The following RUNX1T1 variants were observed in gnomAD, a reference collection of about 807,000 sequenced individuals.
The protein encoded by RUNX1T1 is RUNX1 partner transcriptional co-repressor 1, also known as protein CBFA2T1.
Under a neutral mutation model 62.8 loss-of-function variants are expected in RUNX1T1, and 4 were observed. That is an observed-to-expected ratio of 0.06 (90% CI 0.03 to 0.15). The LOEUF is 0.15. RUNX1T1 is among the 10% of genes least tolerant of loss of function. The pLI is 1.00. For synonymous variants in RUNX1T1, 291 were observed against 286.0 expected, an observed-to-expected ratio of 1.02 and a Z score of -0.18; for missense variants, 508 against 754.3, an observed-to-expected ratio of 0.67 and a Z score of 3.82.
At chr8:91,998,426 A>T (rs1322259221) in intron 5 of RUNX1T1, among the ~76,000 whole-genome samples, 1 of 152,110 alleles carries the variant, frequency 6.6e-6, no homozygotes, top group African/African-American at 2.4e-5. Flanking sequence ...AAGCACCTTT[A>T]ATCTCTCCAT....
At chr8:92,042,463 G>A (rs569203595) in intron 1 of RUNX1T1, among the ~76,000 whole-genome samples, 19 of 152,222 alleles carry the variant, frequency 1.2e-4, no homozygotes, top group African/African-American at 3.4e-4. Flanking sequence ...GACTACAGGC[G>A]TATGCCACCA....
At chr8:92,072,482 T>A (rs2130742752) in intron 2 of RUNX1T1, among the ~76,000 whole-genome samples, 1 of 152,038 alleles carries the variant, frequency 6.6e-6, no homozygotes, top group East Asian at 1.9e-4. Context: ...ATATAAATGA[T>A]ATACTCTTCT....
chr8:92,061,446 T>C (rs751227645), intron 1 of RUNX1T1, among the ~76,000 whole-genome samples: 2 of 152,236 alleles, frequency 1.3e-5, no homozygotes, highest in Non-Finnish European at 2.9e-5. Flanking sequence ...ACCTCAGTCA[T>C]TGTCTTTTTG....
chr8:92,063,198 T>A (rs1832351794), upstream of RUNX1T1, among the ~76,000 whole-genome samples: 1 of 152,172 alleles, frequency 6.6e-6, no homozygotes, highest in Non-Finnish European at 1.5e-5. Flanking sequence ...ATTGTGCCAG[T>A]TTATCATCCT....
chr8:91,963,300 C>G (rs1169067073), intron 10 of RUNX1T1, among the ~76,000 whole-genome samples: 2 of 152,028 alleles, frequency 1.3e-5, no homozygotes, highest in Non-Finnish European at 2.9e-5. Context: ...AAAAAACAAC[C>G]TTCAGCTGTA....
upstream of RUNX1T1, among the ~76,000 whole-genome samples, chr8:92,102,448 GA>G (rs978904155): frequency 1.3e-5 from 2 of 151,018 alleles, no homozygotes; most frequent in African/African-American, 2.4e-5. The surrounding 1 kb of genome is among the most constrained non-coding windows in gnomAD (Gnocchi z 4.5). Flanking sequence ...GAAAGGAAAA[GA>G]AAAAAACCCA....
intron 5 of RUNX1T1, among the ~76,000 whole-genome samples, chr8:92,001,062 A>G (rs964816348): frequency 6.6e-6 from 1 of 152,110 alleles, no homozygotes; most frequent in African/African-American, 2.4e-5. Flanking sequence ...GTGGTGGTGC[A>G]TACCTGTAGT....
chr8:92,034,749 T>C (rs376992049), intron 1 of RUNX1T1, among the ~76,000 whole-genome samples: 29 of 146,308 alleles, frequency 2.0e-4, no homozygotes, highest in South Asian at 4.3e-4. Flanking sequence ...TATATACACA[T>C]ATATATACAC....
At chr8:92,005,418 C>T (rs1277023503) in intron 4 of RUNX1T1, 121 bp from the exon 6 acceptor site, 1 of 822,654 alleles carries the variant, frequency 1.2e-6, no homozygotes, top group Non-Finnish European at 1.9e-6. Context: ...AGGTCAAATG[C>T]ATGCCATGGG....
At chr8:91,968,778 T>C (rs1812174684) in intron 10 of RUNX1T1, among the ~76,000 whole-genome samples, 1 of 152,206 alleles carries the variant, frequency 6.6e-6, no homozygotes, top group African/African-American at 2.4e-5. Flanking sequence ...GGCTCTGCCA[T>C]TTCCTAGCTG....
chr8:91,992,481 C>T (rs551002711), intron 5 of RUNX1T1, among the ~76,000 whole-genome samples: 88 of 152,308 alleles, frequency 5.8e-4, no homozygotes, highest in Non-Finnish European at 1.0e-3. Flanking sequence ...TCAACAGGTA[C>T]GCTTGGCCAG....
At chr8:91,955,653 T>C (rs1586653036), downstream of RUNX1T1, 1 of 225,684 alleles carries the variant, frequency 4.4e-6, no homozygotes, top group African/African-American at 2.2e-5. Context: ...TTCACCTTCA[T>C]AACCTTTCTC....
chr8:92,052,580 C>A (rs569063152), intron 1 of RUNX1T1, among the ~76,000 whole-genome samples: 1 of 151,894 alleles, frequency 6.6e-6, no homozygotes, highest in Admixed American at 6.5e-5. Context: ...TATTTATGAC[C>A]AAAAAGGGGC....
rs141860040 is a variant in RUNX1T1 at position 92,054,929 on chromosome 8, C to T, written c.7+7617G>A. Among the ~76,000 whole-genome samples the T allele has an allele frequency of 8.8e-3, 1,332 of 152,160 alleles. 24 individuals carry two copies. The highest frequency in any genetic ancestry group is 0.03 in the African/African-American group (1,252 of 41,520). On this transcript the variant is annotated intron_variant, in intron 1 of 10. Transcript: ENST00000396218. Reference sequence around the variant, plus strand: ...CTGAAGCAGGGGAACTGCTTGAACCCGGGAGATGGAGGTTGCAGTGAGCCA... The same window carrying T: ...CTGAAGCAGGGGAACTGCTTGAACCTGGGAGATGGAGGTTGCAGTGAGCCA...
At chr8:92,088,375 G>A (rs553389460) in intron 1 of RUNX1T1, among the ~76,000 whole-genome samples, 97 of 152,286 alleles carry the variant, frequency 6.4e-4, no homozygotes, top group South Asian at 1.5e-3. Context: ...GTATCTTGAG[G>A]TTAGGGAAAG....
chr8:92,091,514 C>A (rs1045793137), intron 1 of RUNX1T1, among the ~76,000 whole-genome samples: 3 of 152,184 alleles, frequency 2.0e-5, no homozygotes, highest in Non-Finnish European at 2.9e-5. Flanking sequence ...AAAAGAGGCA[C>A]AGGAATCTCC....
chr8:92,067,516 AAAT>A (rs1209346365), upstream of RUNX1T1, among the ~76,000 whole-genome samples: 4 of 152,258 alleles, frequency 2.6e-5, no homozygotes, highest in Non-Finnish European at 5.9e-5. Flanking sequence ...AAAATATTTT[AAAT>A]AATGACTTCC....
chr8:92,000,029 G>A (rs941708603), intron 5 of RUNX1T1, among the ~76,000 whole-genome samples: 2 of 152,104 alleles, frequency 1.3e-5, no homozygotes, highest in Non-Finnish European at 2.9e-5. Flanking sequence ...TTTGTGGCTC[G>A]GTACAGTGGC....
intron 1 of RUNX1T1, among the ~76,000 whole-genome samples, chr8:92,045,548 A>C (rs1376015619): frequency 6.6e-6 from 1 of 151,820 alleles, no homozygotes; most frequent in Non-Finnish European, 1.5e-5. Context: ...CCTTGATTCC[A>C]CTCTCACCTT....
Sources: gnomAD v4.1 joint callset for allele counts (sites outside exome capture counted in the v4.1 genomes callset) on GRCh38, gnomAD v4.1.1 for gene constraint, Gnocchi (gnomAD v3.1) non-coding constraint, MANE v1.5 for transcripts, NCBI Gene and HGNC (gene_info 2026-07-23, HGNC 2026-07-21) for gene names.